TSC2: variants seen among roughly 807,000 people sequenced by gnomAD.
TSC2 encodes tuberin.
TSC2 carries 29 observed loss-of-function variants against 202.2 expected under a neutral mutation model. The observed-to-expected ratio is 0.14, with a 90% CI of 0.11 to 0.20. The LOEUF (loss-of-function observed/expected upper bound fraction) is 0.20, where lower values mean the gene tolerates loss of function less well. TSC2 is among the 10% of genes least tolerant of loss of function. TSC2 has a pLI of 1.00. For missense variants in TSC2, 2,429 were observed against 2,420.0 expected, an observed-to-expected ratio of 1.00 and a Z score of -0.08; for synonymous variants, 1,349 against 1,044.0, an observed-to-expected ratio of 1.29 and a Z score of -5.63.
At chr16:2,083,321 G>C in intron 32 of TSC2, 1 of 458,674 alleles carries the variant, frequency 2.2e-6, no homozygotes, top group Non-Finnish European at 4.4e-6. Context: ...CGGAGTCTCC[G>C]CAGCTCTCCT....
Position 2,088,103 on chromosome 16 carries a change from G to A in TSC2, c.5124G>A (p.Leu1708=), listed in dbSNP as rs2151622005. The change falls in exon 40 of 42, where the codon CTG becomes CTA. Residue 1708 remains leucine (L), a synonymous_variant. Coordinates refer to ENST00000219476, the MANE Select transcript of TSC2 (RefSeq NM_000548.5). The part of the protein sequence containing the change: ...SVAKIVSDRN[L]PFVARQMALH... The stretch of plus-strand genomic sequence containing the variant: ...CCAAGATCGTGTCTGACCGCAACCT[G>A]CCCTTCGTGGCCCGCCAGATGGCCC... 2 of 1,612,928 alleles carry A rather than the reference G, an allele frequency of 1.2e-6. No homozygotes were observed. The highest frequency in any genetic ancestry group is 1.7e-6 in the Non-Finnish European group (2 of 1,180,014).
chr16:2,063,564 GC>G (rs1342557067), intron 14 of TSC2: 1 of 255,314 alleles, frequency 3.9e-6, no homozygotes, highest in Non-Finnish European at 7.7e-6. Context: ...AGGAGGCGCA[GC>G]TTAGGCTCTG....
chr16:2,063,397 T>C (rs1393800079), intron 14 of TSC2: 2 of 448,848 alleles, frequency 4.5e-6, no homozygotes, highest in Admixed American at 3.5e-5. Context: ...TCCGTTTCAG[T>C]CCTGACGTTC....
At chr16:2,077,012 C>T (rs1379981089) in intron 25 of TSC2, among the ~76,000 whole-genome samples, 1 of 152,238 alleles carries the variant, frequency 6.6e-6, no homozygotes, top group Non-Finnish European at 1.5e-5. Context: ...ACGGCTTTCT[C>T]CTCCTGTCCC....
chr16:2,053,086 C>T (rs374845843), intron 3 of TSC2, among the ~76,000 whole-genome samples: 2 of 152,228 alleles, frequency 1.3e-5, no homozygotes, highest in East Asian at 1.9e-4. Flanking sequence ...GCTGTCCTCT[C>T]AGCCCCCAGT....
chr16:2,051,869 C>T (rs547017509), intron 3 of TSC2, among the ~76,000 whole-genome samples: 53 of 152,254 alleles, frequency 3.5e-4, no homozygotes, highest in Middle Eastern at 3.4e-3. Flanking sequence ...GTTCGAGACC[C>T]GCCTGGCCAA....
chr16:2,086,475 C>A, intron 37 of TSC2, 96 bp downstream of exon 37: 1 of 1,512,528 alleles, frequency 6.6e-7, no homozygotes, highest in Non-Finnish European at 9.0e-7. Context: ...ATGGCCCTGG[C>A]ACCCCCACCT....
intron 6 of TSC2, chr16:2,055,769 T>C: frequency 2.1e-6 from 1 of 480,208 alleles, no homozygotes; most frequent in Non-Finnish European, 3.8e-6. Flanking sequence ...TGGGAGCCTG[T>C]AATCCCAGCT....
At position 2,088,650 on chromosome 16, in the gene TSC2, T is replaced by G. The variant is rs1446334813; in HGVS notation, c.*40T>G. ...CTCCTGCACTGGCCTTGGACGGTAT[T>G]GCCTGTCAGTGAAATAAATAAAGTC... On this transcript the variant is annotated 3_prime_UTR_variant, in exon 42 of 42. Coordinates refer to ENST00000219476, the MANE Select transcript of TSC2 (RefSeq NM_000548.5). 6.3e-7 allele frequency: 1 copy of G among 1,575,902 alleles called. No individual in the cohort carries two copies. The highest frequency in any genetic ancestry group is 1.4e-5 in the African/African-American group (1 of 73,896).
intron 22 of TSC2, 151 bp downstream of exon 22, chr16:2,074,540 C>CCAGGAAGGAGAGCACT: frequency 1.1e-6 from 1 of 941,824 alleles, no homozygotes; most frequent in Non-Finnish European, 1.6e-6. Flanking sequence ...TGCCCGGCTG[C>CCAGGAAGGAGAGCACT]CATGAGTGCT....
chr16:2,062,891 T>C (rs1162713152), intron 13 of TSC2, 81 bp from the exon 14 acceptor site: 2 of 1,479,302 alleles, frequency 1.4e-6, no homozygotes, highest in African/African-American at 2.8e-5. Flanking sequence ...AGAGTCGGGC[T>C]GGCCTGCGCC....
At chr16:2,072,135 A>G in intron 19 of TSC2, 106 bp from the exon 20 acceptor site, 4 of 1,587,554 alleles carry the variant, frequency 2.5e-6, no homozygotes, top group Non-Finnish European at 3.4e-6. Flanking sequence ...ACAGGGCTCC[A>G]TAGCCCTTGA....
chr16:2,075,850 C>T lies in TSC2; in HGVS notation c.2597C>T (p.Ala866Val), dbSNP rs1261601321. ...LYRNFAAEQY[A>V]SVFAISLPYT... ...AGGAACTTTGCCGCGGAGCAGTATG[C>T]CAGTGTGTTCGCCATCTCCCTGCCG... The change falls in exon 23 of 42, where the codon GCC becomes GTC. Residue 866 changes from alanine (A) to valine (V), a missense_variant. Physicochemically the swap from Ala to Val is moderately conservative, Grantham distance 64. Coordinates refer to ENST00000219476, the MANE Select transcript of TSC2 (RefSeq NM_000548.5). 1.2e-6 allele frequency: 2 copies of T among 1,613,110 alleles called. No individual in the cohort carries two copies. Among genetic ancestry groups the T allele is most frequent in the South Asian group, 1.1e-5 (1 of 91,084 alleles).
At position 2,072,265 on chromosome 16, in the gene TSC2, C is replaced by A. The variant is rs778040604; in HGVS notation, c.2122C>A (p.Leu708Met). ...KQESDWKVLKLVLGRLPESLR... is the reference protein window; with the variant it reads ...KQESDWKVLKMVLGRLPESLR... ...GGAGTCTGACTGGAAGGTGCTGAAG[C>A]TGGTTCTGGGCAGGCTGCCTGAGTC... is the stretch of plus-strand genomic sequence containing the variant. The change falls in exon 20 of 42, where the codon CTG (leucine) becomes ATG (methionine). Residue 708 changes from leucine (L) to methionine (M), a missense_variant. By Grantham distance (15) the Leu-to-Met change is conservative. Transcript: ENST00000219476. 3 of 1,614,128 alleles carry A rather than the reference C, an allele frequency of 1.9e-6. No homozygotes were observed. The Admixed American group carries it at 5.0e-5, about 27-fold the overall frequency.
chr16:2,054,559 G>A lies in TSC2; in HGVS notation c.481+119G>A, dbSNP rs2085534052. Reference sequence around the variant, plus strand: ...CTCAGGGATGGCCTGCAGCGGGTATGCCCACCCTGCTTCATGCACCTGGGC... The same window carrying A: ...CTCAGGGATGGCCTGCAGCGGGTATACCCACCCTGCTTCATGCACCTGGGC... On this transcript the variant is annotated intron_variant, in intron 5 of 41. Coordinates refer to ENST00000219476, the MANE Select transcript of TSC2 (RefSeq NM_000548.5). 5 of 1,460,234 alleles carry A rather than the reference G, an allele frequency of 3.4e-6. No individual in the cohort carries two copies. The South Asian group carries it at 3.4e-5, about 10-fold the overall frequency. The allele number at this position is 1,460,234 out of a possible 1,614,324, so 90.5% of individuals were successfully genotyped here. A position where few individuals can be genotyped will look rare whatever the true frequency, so the allele number is the denominator to read the frequency against.
chr16:2,056,898 G>T, intron 8 of TSC2, 129 bp downstream of exon 8: 1 of 1,501,790 alleles, frequency 6.7e-7, no homozygotes, highest in Non-Finnish European at 9.2e-7. Flanking sequence ...GGGACGGCCA[G>T]TGTCATTTTC....
intron 22 of TSC2, 87 bp from the exon 23 acceptor site, chr16:2,075,712 C>G: frequency 7.1e-7 from 1 of 1,414,782 alleles, no homozygotes; most frequent in South Asian, 1.2e-5. Flanking sequence ...AGCACCCCAT[C>G]GCTGCCGTGG....
intron 15 of TSC2, 85 bp from the exon 16 acceptor site, chr16:2,065,434 A>G (rs1018384030): frequency 1.2e-6 from 1 of 863,890 alleles, no homozygotes; most frequent in African/African-American, 1.7e-5. Flanking sequence ...AAAAAAAAAA[A>G]AAGGTGTTTG....
chr16:2,088,952 A>C lies in TSC2; in HGVS notation c.*342A>C. ...CCCCCAGGAGGAGTCTTTTCCTCTA[A>C]CCACCCTGGGGTCCTCTGACATGCC... On this transcript the variant is annotated 3_prime_UTR_variant, in exon 42 of 42. Transcript: ENST00000219476. The C allele has an allele frequency of 6.0e-6, 2 of 331,994 alleles. No homozygotes were observed. The highest frequency in any genetic ancestry group is 6.0e-5 in the East Asian group (1 of 16,578). The allele number at this position is 331,994 out of a possible 1,614,324, so 20.6% of individuals were successfully genotyped here.
Sources: gnomAD v4.1 joint callset for allele counts (sites outside exome capture counted in the v4.1 genomes callset) on GRCh38, gnomAD v4.1.1 for gene constraint, MANE v1.5 for transcripts, NCBI Gene and HGNC (gene_info 2026-07-23, HGNC 2026-07-21) for gene names.